Variants in PHLPP2 observed in about 807,000 individuals in gnomAD.
The protein encoded by PHLPP2 is PH domain leucine-rich repeat-containing protein phosphatase 2.
In PHLPP2, 66 loss-of-function variants were observed where a neutral mutation model predicts 124.9. That is an observed-to-expected ratio of 0.53 (90% CI 0.43 to 0.65). The LOEUF (loss-of-function observed/expected upper bound fraction) is 0.65, where lower values mean the gene tolerates loss of function less well. Among genes scored for constraint, PHLPP2 ranks in the 30% least tolerant of loss-of-function variants. The pLI, the probability that PHLPP2 is intolerant of heterozygous loss-of-function variation, is 0.00. For synonymous variants in PHLPP2, 681 were observed against 624.7 expected, an observed-to-expected ratio of 1.09 and a Z score of -1.34; for missense variants, 1,685 against 1,600.4, an observed-to-expected ratio of 1.05 and a Z score of -0.90.
chr16:71,696,619 C>T (rs933621747), intron 3 of PHLPP2, among the ~76,000 whole-genome samples: 11 of 149,672 alleles, frequency 7.3e-5, no homozygotes, highest in Non-Finnish European at 1.5e-4. Context: ...CACTGCACTC[C>T]AGCCTGGGCC....
In PHLPP2 at chr16:71,658,221, A is replaced by AT. The variant is rs753764971; in HGVS notation, c.2279+11dup. On this transcript the variant is annotated intron_variant, in intron 15 of 18. Coordinates refer to ENST00000568954, the MANE Select transcript of PHLPP2 (RefSeq NM_015020.3). ...AGAGCACATAGAGATTCCATTTCAAATTTTTTCCTACCTAAATATGTCCAG... is the reference window on the plus strand; with the variant it reads ...AGAGCACATAGAGATTCCATTTCAAATTTTTTTCCTACCTAAATATGTCCAG... 4.3e-6 allele frequency: 7 copies of AT among 1,612,048 alleles called. No homozygotes were observed. Among genetic ancestry groups the AT allele is most frequent in the Non-Finnish European group, 5.9e-6 (7 of 1,178,862 alleles).
chr16:71,648,847 C>T lies in PHLPP2; in HGVS notation c.*43G>A, dbSNP rs777229982. 12 of 1,462,188 alleles carry T rather than the reference C, an allele frequency of 8.2e-6. No homozygotes were observed. The highest frequency in any genetic ancestry group is 1.8e-5 in the Admixed American group (1 of 56,898). 90.6% of individuals were successfully genotyped at this position (1,462,188 alleles called of 1,614,324 possible). A position where few individuals can be genotyped will look rare whatever the true frequency, so the allele number is the denominator to read the frequency against. ...GAATGCCTCTAGCAAGTCCCTACCCCAACCCTGCACAGCCTCCTCCCACAC... is the reference window on the plus strand; with the variant it reads ...GAATGCCTCTAGCAAGTCCCTACCCTAACCCTGCACAGCCTCCTCCCACAC... On this transcript the variant is annotated 3_prime_UTR_variant, in exon 19 of 19. Coordinates refer to ENST00000568954, the MANE Select transcript of PHLPP2 (RefSeq NM_015020.3).
In PHLPP2 at chr16:71,658,802, A is replaced by G. The variant is rs776560065; in HGVS notation, c.1999T>C (p.Leu667=). ...AGGTTCAGTTCCTCCAATTGCTCCA[A>G]TTTATTTAGTTTGCTGAAAAAGAAA... ...QTFPASKLNK[L]EQLEELNLSG... The change falls in exon 14 of 19, where the codon TTG becomes CTG. Residue 667 remains leucine, a synonymous_variant. Coordinates refer to ENST00000568954, the MANE Select transcript of PHLPP2 (RefSeq NM_015020.3). 11 of 1,614,042 alleles carry G rather than the reference A, an allele frequency of 6.8e-6. No individual in the cohort carries two copies. The South Asian group carries it at 9.9e-5, about 15-fold the overall frequency.
In PHLPP2 at chr16:71,664,030, A is replaced by T. The variant is rs759737817; in HGVS notation, c.1854T>A (p.Ser618Arg). The T allele has an allele frequency of 1.2e-6, 2 of 1,613,808 alleles. No homozygotes were observed. Among genetic ancestry groups the T allele is most frequent in the Non-Finnish European group, 1.7e-6 (2 of 1,179,806 alleles). Residue 618 changes from serine to arginine, a missense_variant, in exon 13 of 19, where the codon AGT (serine) becomes AGA (arginine). Coordinates refer to ENST00000568954, the MANE Select transcript of PHLPP2 (RefSeq NM_015020.3). ...GATAAAGCAGCTGCAGCATACTCAA[A>T]CTCTCCTCTCCAGTGCAGGCGGATG... ...SLPSACTGEE[S>R]LSMLQLLYLT...
At chr16:71,653,080 T>G (rs1229077175) in intron 17 of PHLPP2, 59 bp from the exon 18 acceptor site, 4 of 1,004,214 alleles carry the variant, frequency 4.0e-6, no homozygotes, top group Non-Finnish European at 6.0e-6. Flanking sequence ...AAAGTGGTGG[T>G]CCTGCACGTA....
intron 18 of PHLPP2, among the ~76,000 whole-genome samples, chr16:71,651,299 T>C (rs145456155): frequency 9.2e-5 from 14 of 151,456 alleles, no homozygotes; most frequent in African/African-American, 3.2e-4. Flanking sequence ...GATCACGCCA[T>C]TGCACTCCAG....
intron 10 of PHLPP2, among the ~76,000 whole-genome samples, chr16:71,671,791 T>G (rs1209324532): frequency 6.6e-6 from 1 of 151,642 alleles, no homozygotes; most frequent in Non-Finnish European, 1.5e-5. Flanking sequence ...GTGGGCGCCT[T>G]TAGTCCCAGC....
At chr16:71,706,733 ACAT>A (rs1473635379) in intron 2 of PHLPP2, among the ~76,000 whole-genome samples, 2 of 152,148 alleles carry the variant, frequency 1.3e-5, no homozygotes, top group African/African-American at 2.4e-5. Flanking sequence ...GTACATAATG[ACAT>A]CAGGGTAGGA....
rs891541412 is a variant in PHLPP2, at chr16:71,647,560, C to T, written c.*1330G>A. ...CCATCTGTTCTCATTGGCCTCAGTC[C>T]GTTTCAGAGTCATCTGCCATAACTT... On this transcript the variant is annotated 3_prime_UTR_variant, in exon 19 of 19. Transcript: ENST00000568954. 2 of 152,190 alleles carry T rather than the reference C, an allele frequency of 1.3e-5. No individual in the cohort carries two copies. The highest frequency in any genetic ancestry group is 2.4e-5 in the African/African-American group (1 of 41,440). 9.4% of individuals were successfully genotyped at this position (152,190 alleles called of 1,614,324 possible).
intron 2 of PHLPP2, among the ~76,000 whole-genome samples, chr16:71,705,188 T>C (rs1290681138): frequency 4.6e-5 from 7 of 152,228 alleles, no homozygotes; most frequent in Non-Finnish European, 8.8e-5. Context: ...CGGGGCCAGA[T>C]GATCTTCAGG....
chr16:71,653,043 A>G, intron 17 of PHLPP2, 22 bp from the exon 18 acceptor site: 1 of 1,528,052 alleles, frequency 6.5e-7, no homozygotes, highest in Admixed American at 1.7e-5. Flanking sequence ...GAAAAGGAAA[A>G]GAAGACGTGG....
intron 2 of PHLPP2, among the ~76,000 whole-genome samples, chr16:71,706,258 C>T (rs1392496550): frequency 6.7e-6 from 1 of 150,108 alleles, no homozygotes; most frequent in Non-Finnish European, 1.5e-5. Context: ...GGTAATTTCT[C>T]TCCAAACCAG....
chr16:71,723,864 C>T, intron 1 of PHLPP2: 1 of 1,186,738 alleles, frequency 8.4e-7, no homozygotes, highest in Non-Finnish European at 1.0e-6. Flanking sequence ...TCCACCTCCC[C>T]CATCGGCGAC....
chr16:71,676,597 T>G lies in PHLPP2; in HGVS notation c.1321A>C (p.Ile441Leu), dbSNP rs186120355. Residue 441 changes from isoleucine (I) to leucine (L), a missense_variant, in exon 9 of 19, where the codon ATC (isoleucine) becomes CTC (leucine). Physicochemically the swap from Ile to Leu is conservative, Grantham distance 5. Transcript: ENST00000568954. ...VIENLEGNKH[I>L]THVDLRDNRL... ...TTGTCCCGCAGATCCACGTGGGTGA[T>G]GTGTTTATTTCCCTCCAGATTTTCA... is the stretch of plus-strand genomic sequence containing the variant. 10 of 1,614,074 alleles carry G rather than the reference T, an allele frequency of 6.2e-6. 1 individual carries two copies. The East Asian group carries it at 2.2e-4, about 36-fold the overall frequency.
intron 13 of PHLPP2, among the ~76,000 whole-genome samples, chr16:71,661,814 G>GTTTGT (rs1030867173): frequency 3.3e-5 from 5 of 151,690 alleles, no homozygotes; most frequent in Admixed American, 6.6e-5. Context: ...ACCTACACAA[G>GTTTGT]TTTGTTTTGT....
chr16:71,710,612 T>C (rs1214744517), intron 2 of PHLPP2, among the ~76,000 whole-genome samples: 2 of 152,256 alleles, frequency 1.3e-5, no homozygotes, highest in Non-Finnish European at 2.9e-5. Flanking sequence ...AAGTACTTTA[T>C]TGCTATCTGA....
At chr16:71,657,382 A>G (rs2044750976) in intron 15 of PHLPP2, among the ~76,000 whole-genome samples, 1 of 148,646 alleles carries the variant, frequency 6.7e-6, no homozygotes, top group African/African-American at 2.5e-5. Flanking sequence ...CCGGCCAACA[A>G]TAATATTATC....
At chr16:71,670,225 G>A (rs569404083) in intron 10 of PHLPP2, among the ~76,000 whole-genome samples, 3 of 152,294 alleles carry the variant, frequency 2.0e-5, no homozygotes, top group Admixed American at 2.0e-4. Context: ...AGCACCCGGA[G>A]GAGACGGCCT....
rs764090874 is a variant in PHLPP2 at position 71,679,415 on chromosome 16, T to C, written c.1011A>G (p.Leu337=). The change falls in exon 7 of 19, where the codon CTA becomes CTG. Residue 337 remains leucine, a synonymous_variant. Transcript: ENST00000568954. ...TTAGCAGATTGCCAATTTGACTTGG[T>C]AGGTCATGAAATCCATTACAGGAAA... The part of the protein sequence containing the change: ...LNLSCNGFHD[L]PSQIGNLLNL... 5 of 1,613,964 alleles carry C rather than the reference T, an allele frequency of 3.1e-6. No homozygotes were observed. The highest frequency in any genetic ancestry group is 3.3e-4 in the Middle Eastern group (2 of 6,062).
Sources: allele counts gnomAD v4.1 joint callset (sites outside exome capture counted in the v4.1 genomes callset), GRCh38; gene constraint gnomAD v4.1.1; transcripts MANE v1.5; gene names NCBI Gene and HGNC (gene_info 2026-07-23, HGNC 2026-07-21).